Variants in MTFR1 observed in about 807,000 individuals in gnomAD.
MTFR1 encodes the protein chondrocyte protein with a poly-proline region.
A neutral mutation model predicts 38.8 loss-of-function variants in MTFR1; 28 were observed. The observed-to-expected ratio is 0.72, with a 90% CI of 0.53 to 0.99. The LOEUF (loss-of-function observed/expected upper bound fraction) is 0.99. Among genes scored for constraint, MTFR1 ranks in the 50% least tolerant of loss-of-function variants. MTFR1 has a pLI of 0.00. For synonymous variants in MTFR1, 145 were observed against 137.0 expected (o/e 1.06, Z -0.41); for missense variants, 358 against 395.5 (o/e 0.91, Z 0.81).
intron 1 of MTFR1, among the ~76,000 whole-genome samples, chr8:65,652,210 A>G (rs918846687): frequency 1.3e-5 from 2 of 152,010 alleles, no homozygotes; most frequent in Non-Finnish European, 2.9e-5. Flanking sequence ...AGGTTCAAGC[A>G]ACTCTCGTAC....
At chr8:65,700,707 C>T (rs1805590827) in intron 4 of MTFR1, among the ~76,000 whole-genome samples, 1 of 152,190 alleles carries the variant, frequency 6.6e-6, no homozygotes, top group South Asian at 2.1e-4. Flanking sequence ...ATCAGGCAAA[C>T]CTGCCTCCCA....
At chr8:65,693,987 T>A (rs1805357669) in intron 4 of MTFR1, among the ~76,000 whole-genome samples, 1 of 151,836 alleles carries the variant, frequency 6.6e-6, no homozygotes, top group Non-Finnish European at 1.5e-5. Flanking sequence ...ACTGCAGCCT[T>A]GACCTCCCAG....
rs1477058454 is a variant in MTFR1 at position 65,737,623 on chromosome 8, A to T, written c.*48+18142A>T. On this transcript the variant is annotated intron_variant, in intron 3 of 3. Coordinates refer to the MTFR1 transcript ENST00000521247. The stretch of plus-strand genomic sequence containing the variant: ...CACCTCTGCCTCCTGGGTTCAAGTA[A>T]TTCTCCTGCCTCAGCCTCCCGAGTA... 9.9e-5 allele frequency among the ~76,000 whole-genome samples: 15 copies of T among 152,036 alleles called. 1 individual carries two copies. The highest frequency in any genetic ancestry group is 9.8e-4 in the Admixed American group (15 of 15,266).
chr8:65,689,481 A>G, intron 3 of MTFR1: 1 of 730,738 alleles, frequency 1.4e-6, no homozygotes, highest in Non-Finnish European at 1.9e-6. Context: ...TAGTGTTATT[A>G]TTGAATTTTT....
At chr8:65,706,425 T>C (rs574071952) in intron 5 of MTFR1, among the ~76,000 whole-genome samples, 4 of 152,264 alleles carry the variant, frequency 2.6e-5, no homozygotes, top group Admixed American at 2.6e-4. Context: ...CCATAACTCT[T>C]AGTTACTTCT....
chr8:65,654,683 T>G (rs1054320088), intron 1 of MTFR1, among the ~76,000 whole-genome samples: 3 of 152,144 alleles, frequency 2.0e-5, no homozygotes, highest in African/African-American at 7.2e-5. Flanking sequence ...GCTCAAGCGA[T>G]CCTTCTGCCT....
intron 3 of MTFR1, among the ~76,000 whole-genome samples, chr8:65,693,396 T>C (rs969407582): frequency 6.6e-6 from 1 of 150,770 alleles, no homozygotes; most frequent in Non-Finnish European, 1.5e-5. Flanking sequence ...AGCTAGACTT[T>C]GTCTCAAAAA....
At chr8:65,776,338 CCTTGA>C in the MTFR1 span, among the ~76,000 whole-genome samples, 1 of 152,050 alleles carries the variant, frequency 6.6e-6, no homozygotes, top group Non-Finnish European at 1.5e-5. Flanking sequence ...ATTAACATCA[CCTTGA>C]CTTAATTATT....
At chr8:65,693,536 C>T in intron 3 of MTFR1, 108 bp from the exon 4 acceptor site, 2 of 754,350 alleles carry the variant, frequency 2.7e-6, no homozygotes, top group East Asian at 2.7e-5. Flanking sequence ...AGAAACCACT[C>T]ATGTGTTTTT....
At chr8:65,719,700 G>T in intron 3 of MTFR1, 1 of 556,220 alleles carries the variant, frequency 1.8e-6, no homozygotes, top group South Asian at 2.5e-5. Flanking sequence ...TAACTCAATG[G>T]AAATTTGAGT....
intron 3 of MTFR1, among the ~76,000 whole-genome samples, chr8:65,683,132 C>CTTTTT (rs748824241): frequency 4.8e-4 from 58 of 121,660 alleles, no homozygotes; most frequent in African/African-American, 6.7e-4. Flanking sequence ...TTCTTTCTTT[C>CTTTTT]TTTTTTTTTT....
chr8:65,677,810 G>A (rs1035467860), intron 2 of MTFR1, among the ~76,000 whole-genome samples: 7 of 151,580 alleles, frequency 4.6e-5, no homozygotes, highest in Non-Finnish European at 7.4e-5. Flanking sequence ...GAGGTCAAGA[G>A]ATCGAGACCA....
At chr8:65,724,183 GTTAT>G in intron 3 of MTFR1, 2 of 911,300 alleles carry the variant, frequency 2.2e-6, no homozygotes, top group Non-Finnish European at 3.6e-6. Flanking sequence ...AAATTATTGA[GTTAT>G]TTTATTCTTA....
intron 1 of MTFR1, among the ~76,000 whole-genome samples, chr8:65,667,399 T>G (rs927178554): frequency 5.3e-5 from 8 of 152,004 alleles, no homozygotes; most frequent in African/African-American, 1.9e-4. Context: ...TAATTTAAAC[T>G]TTGGTGAATT....
At chr8:65,753,139 T>C (rs1288174712) in intron 3 of MTFR1, among the ~76,000 whole-genome samples, 2 of 152,232 alleles carry the variant, frequency 1.3e-5, no homozygotes, top group Non-Finnish European at 2.9e-5. Context: ...TTCCATTAAG[T>C]GCTCTCCAGT....
chr8:65,654,064 C>CAA (rs34665689), intron 1 of MTFR1, among the ~76,000 whole-genome samples: 57 of 83,536 alleles, frequency 6.8e-4, no homozygotes, highest in Non-Finnish European at 8.9e-4. Context: ...CTTTGTCTCT[C>CAA]AAAAAAAAAA....
chr8:65,659,389 CA>C (rs1214399176), intron 1 of MTFR1, among the ~76,000 whole-genome samples: 4 of 148,972 alleles, frequency 2.7e-5, no homozygotes, highest in Non-Finnish European at 1.5e-5. Flanking sequence ...ATCAAGATCA[CA>C]AAAGATCACA....
chr8:65,735,375 C>T (rs544208043), intron 3 of MTFR1, among the ~76,000 whole-genome samples: 2 of 152,216 alleles, frequency 1.3e-5, no homozygotes, highest in African/African-American at 4.8e-5. Context: ...GTGACATGAT[C>T]ATGGCTCATT....
the MTFR1 span, among the ~76,000 whole-genome samples, chr8:65,778,005 C>T: frequency 1.3e-5 from 2 of 152,252 alleles, no homozygotes; most frequent in South Asian, 2.1e-4. Context: ...ACATTTTTCC[C>T]TCTCCTCTCC....
Sources: allele counts gnomAD v4.1 joint callset (sites outside exome capture counted in the v4.1 genomes callset), GRCh38; gene constraint gnomAD v4.1.1; transcripts MANE v1.5; gene names NCBI Gene and HGNC (gene_info 2026-07-23, HGNC 2026-07-21).